PUM2: variants seen among roughly 807,000 people sequenced by gnomAD.
The protein encoded by PUM2 is pumilio RNA binding family member 2, also known as pumilio homolog 2.
PUM2 carries 57 observed loss-of-function variants against 124.5 expected under a neutral mutation model. That is an observed-to-expected ratio of 0.46 (90% confidence interval 0.37 to 0.57). The LOEUF (loss-of-function observed/expected upper bound fraction) is 0.57. Ranked by LOEUF, PUM2 falls within the 20% of genes least tolerant of loss-of-function variation. PUM2 has a pLI of 0.00. For missense variants in PUM2, 1,065 were observed against 1,290.6 expected, an observed-to-expected ratio of 0.83 and a Z score of 2.68; for synonymous variants, 460 against 446.1, an observed-to-expected ratio of 1.03 and a Z score of -0.39.
intron 1 of PUM2, among the ~76,000 whole-genome samples, chr2:20,341,216 G>C (rs1373078864): frequency 6.6e-6 from 1 of 151,762 alleles, no homozygotes; most frequent in Non-Finnish European, 1.5e-5. Context: ...TTTTGACCCA[G>C]AAGTTTCTCT....
chr2:20,344,612 G>C (rs1687861129), intron 1 of PUM2, among the ~76,000 whole-genome samples: 3 of 151,974 alleles, frequency 2.0e-5, no homozygotes. Flanking sequence ...TACCCTATCA[G>C]GATTACTACG....
At chr2:20,284,460 A>T (rs1672260305) in intron 10 of PUM2, among the ~76,000 whole-genome samples, 1 of 152,050 alleles carries the variant, frequency 6.6e-6, no homozygotes, top group Non-Finnish European at 1.5e-5. Flanking sequence ...GGCTTACATG[A>T]TCCTCCCGCC....
In PUM2 at chr2:20,316,101, C is replaced by G. The variant is rs145462104; in HGVS notation, c.160+2436G>C. ...CAGAAAAACAAAAATTCCTTGAGGA[C>G]AAGGGTCATATAATTTATCTTTATA... On this transcript the variant is annotated intron_variant, in intron 3 of 20. Coordinates refer to ENST00000361078, the MANE Select transcript of PUM2 (RefSeq NM_015317.5). Among the ~76,000 whole-genome samples, 346 of 152,134 alleles carry G rather than the reference C, an allele frequency of 2.3e-3. 1 individual carries two copies. Among genetic ancestry groups the G allele is most frequent in the African/African-American group, 7.8e-3 (324 of 41,530 alleles).
chr2:20,337,065 G>T (rs1686270801), intron 1 of PUM2, among the ~76,000 whole-genome samples: 1 of 151,924 alleles, frequency 6.6e-6, no homozygotes, highest in Non-Finnish European at 1.5e-5. Context: ...GCTTCAATTT[G>T]TCTAATATTA....
At chr2:20,285,979 T>A (rs942532828) in intron 10 of PUM2, among the ~76,000 whole-genome samples, 1 of 151,882 alleles carries the variant, frequency 6.6e-6, no homozygotes, top group Admixed American at 6.6e-5. Context: ...TAGGAAGGCA[T>A]CTCCAAATAG....
intron 1 of PUM2, among the ~76,000 whole-genome samples, chr2:20,336,681 T>TTGTGTGTGTG (rs113658730): frequency 0.016 from 2,051 of 131,556 alleles, 42 homozygotes; most frequent in African/African-American, 0.028. Flanking sequence ...CCTGGCTAAT[T>TTGTGTGTGTG]TGTGTGTGTG....
chr2:20,321,547 G>C (rs914803640), intron 2 of PUM2, among the ~76,000 whole-genome samples: 1 of 152,064 alleles, frequency 6.6e-6, no homozygotes, highest in East Asian at 1.9e-4. Context: ...AATACTTTTA[G>C]GGGATCTACT....
At chr2:20,256,689 A>G (rs1389121285) in intron 16 of PUM2, among the ~76,000 whole-genome samples, 1 of 152,186 alleles carries the variant, frequency 6.6e-6, no homozygotes, top group Non-Finnish European at 1.5e-5. Context: ...TATTATCTCA[A>G]TAATTCCCTA....
chr2:20,309,705 A>G (rs1363330886), intron 5 of PUM2, among the ~76,000 whole-genome samples: 1 of 152,202 alleles, frequency 6.6e-6, no homozygotes, highest in Non-Finnish European at 1.5e-5. Context: ...AGTAAATGGC[A>G]GTAACTGTTC....
At chr2:20,281,424 G>T (rs77988950) in intron 12 of PUM2, among the ~76,000 whole-genome samples, 4 of 152,132 alleles carry the variant, frequency 2.6e-5, no homozygotes, top group African/African-American at 7.2e-5. Context: ...TGAACCAGAC[G>T]ATCAGTGACA....
At chr2:20,344,918 G>A (rs1368183011) in intron 1 of PUM2, among the ~76,000 whole-genome samples, 2 of 140,830 alleles carry the variant, frequency 1.4e-5, no homozygotes, top group Admixed American at 1.5e-4. Context: ...GGGAGGCGGA[G>A]CTTGCAGTGA....
chr2:20,306,421 T>C lies in PUM2; in HGVS notation c.883+1557A>G, dbSNP rs984975359. On this transcript the variant is annotated intron_variant, in intron 7 of 20. Coordinates refer to ENST00000361078, the MANE Select transcript of PUM2 (RefSeq NM_015317.5). ...ATAGATGTATTAGCCTGCCTAATAA[T>C]ATAAAGCCTCGAGAAATAAAAACCG... 1.3e-4 allele frequency among the ~76,000 whole-genome samples: 20 copies of C among 152,144 alleles called. No homozygotes were observed. The South Asian group carries it at 2.9e-3, about 22-fold the overall frequency.
At chr2:20,255,975 A>G (rs1664670891) in intron 17 of PUM2, 58 bp downstream of exon 17, 4 of 1,447,010 alleles carry the variant, frequency 2.8e-6, no homozygotes, top group Non-Finnish European at 3.7e-6. Flanking sequence ...ACGTGTTGAT[A>G]TTCAAAATTC....
At chr2:20,294,606 G>A (rs140600043) in intron 8 of PUM2, 88 bp from the exon 9 acceptor site, 2 of 1,389,160 alleles carry the variant, frequency 1.4e-6, no homozygotes, top group African/African-American at 2.9e-5. Context: ...TTATAAAAGG[G>A]GGCAGGAAGA....
intron 1 of PUM2, among the ~76,000 whole-genome samples, chr2:20,339,456 AG>A (rs1257686435): frequency 2.6e-5 from 4 of 152,250 alleles, no homozygotes; most frequent in African/African-American, 9.6e-5. Context: ...GCAATATAAA[AG>A]AATGTACGTG....
At chr2:20,305,476 A>G (rs1678021531) in intron 7 of PUM2, among the ~76,000 whole-genome samples, 1 of 150,774 alleles carries the variant, frequency 6.6e-6, no homozygotes, top group African/African-American at 2.4e-5. Context: ...AAAAAAAAAA[A>G]AAAAAAAAAA....
At chr2:20,320,876 T>C (rs2348703) in intron 2 of PUM2, among the ~76,000 whole-genome samples, 44,645 of 151,950 alleles carry the variant, frequency 0.29, 6,782 homozygotes, top group Middle Eastern at 0.36. Context: ...AAATACTGTA[T>C]AAGCCATTCC....
At chr2:20,351,540 C>A (rs1400370682), upstream of PUM2, among the ~76,000 whole-genome samples, 1 of 152,234 alleles carries the variant, frequency 6.6e-6, no homozygotes, top group South Asian at 2.1e-4. Context: ...TTGGCTGTTT[C>A]TTTTTCTCGC....
At chr2:20,290,840 G>A in intron 9 of PUM2, 50 bp from the exon 10 acceptor site, 2 of 1,368,418 alleles carry the variant, frequency 1.5e-6, no homozygotes, top group Non-Finnish European at 1.9e-6. Flanking sequence ...TAATAGATAA[G>A]TAAATTTATC....
Sources: gnomAD v4.1 joint callset for allele counts (sites outside exome capture counted in the v4.1 genomes callset) on GRCh38, gnomAD v4.1.1 for gene constraint, MANE v1.5 for transcripts, NCBI Gene and HGNC (gene_info 2026-07-23, HGNC 2026-07-21) for gene names.